AMOTL2: variants seen among roughly 807,000 people sequenced by gnomAD.
The protein encoded by AMOTL2 is angiomotin like 2.
A neutral mutation model predicts 78.4 loss-of-function variants in AMOTL2; 33 were observed. That is an observed-to-expected ratio of 0.42 (90% CI 0.32 to 0.56). The LOEUF is 0.56. Ranked by LOEUF, AMOTL2 falls within the 20% of genes least tolerant of loss-of-function variation. The pLI is 0.12. For synonymous variants in AMOTL2, 422 were observed against 428.8 expected (o/e 0.98, Z 0.20); for missense variants, 983 against 1,030.1 (o/e 0.95, Z 0.63).
At position 134,357,575 on chromosome 3, in the gene AMOTL2, G is replaced by A; in HGVS notation, c.*130C>T. The A allele has an allele frequency of 1.0e-5, 10 of 978,504 alleles. No homozygotes were observed. The South Asian group carries it at 1.2e-4, about 12-fold the overall frequency. The allele number at this position is 978,504 out of a possible 1,614,324, so 60.6% of individuals were successfully genotyped here. A position where few individuals can be genotyped will look rare whatever the true frequency, so the allele number is the denominator to read the frequency against. On this transcript the variant is annotated 3_prime_UTR_variant, in exon 10 of 10. Transcript: ENST00000249883. ...CCTCCTGAGCTCCTGGGACCAGATGGTCAATGGGAATGAGTGTCTGGCTGG... is the reference window on the plus strand; with the variant it reads ...CCTCCTGAGCTCCTGGGACCAGATGATCAATGGGAATGAGTGTCTGGCTGG...
At position 134,370,878 on chromosome 3, in the gene AMOTL2, G is replaced by A; in HGVS notation, c.556C>T (p.Gln186Ter). 1 of 1,610,700 alleles carries A rather than the reference G, an allele frequency of 6.2e-7. No homozygotes were observed. Among genetic ancestry groups the A allele is most frequent in the Non-Finnish European group, 8.5e-7 (1 of 1,178,104 alleles). The stretch of plus-strand genomic sequence containing the variant: ...GGGCCCTGCTGGTTGCGGGCCAGCT[G>A]TGGGAAGCTGTGGGAGGAGCTCATG... The part of the protein sequence containing the change: ...SHMSSSHSFP[Q>*]LARNQQGPPL... Residue 186 changes from glutamine (Q) to a stop codon, truncating the protein, a stop_gained, in exon 2 of 10, where the codon CAG becomes TAG. Transcript: ENST00000249883. LOFTEE classifies it high-confidence loss of function.
intron 1 of AMOTL2, among the ~76,000 whole-genome samples, chr3:134,373,332 G>A (rs2017949316): frequency 6.6e-6 from 1 of 152,050 alleles, no homozygotes; most frequent in South Asian, 2.1e-4. Context: ...GCGGCAGGAA[G>A]GAATGCGGAG....
At chr3:134,374,928 C>A (rs9849656), upstream of AMOTL2, 1 of 990,670 alleles carries the variant, frequency 1.0e-6, no homozygotes, top group Non-Finnish European at 1.2e-6. Context: ...TGTGTGTGTG[C>A]GTGTGTGTGT....
At chr3:134,362,288 G>A (rs576925500) in intron 5 of AMOTL2, among the ~76,000 whole-genome samples, 23 of 152,308 alleles carry the variant, frequency 1.5e-4, no homozygotes, top group African/African-American at 4.3e-4. Context: ...ATCGGCTGTC[G>A]GCACACCAGG....
rs756526040 is a variant in AMOTL2, at chr3:134,371,160, A to C, written c.274T>G (p.Tyr92Asp). 6.2e-7 allele frequency: 1 copy of C among 1,613,924 alleles called. No homozygotes were observed. The highest frequency in any genetic ancestry group is 8.5e-7 in the Non-Finnish European group (1 of 1,179,948). Residue 92 changes from tyrosine to aspartate, a missense_variant, in exon 2 of 10, where the codon TAC becomes GAC. Coordinates refer to ENST00000249883, the MANE Select transcript of AMOTL2 (RefSeq NM_016201.4). ...GENHLAENTL[Y>D]RLCPQPSKGE... Reference sequence around the variant, plus strand: ...TTGCTGGGCTGTGGGCATAGCCGGTAGAGGGTGTTCTCTGCCAGGTGGTTC... The same window carrying C: ...TTGCTGGGCTGTGGGCATAGCCGGTCGAGGGTGTTCTCTGCCAGGTGGTTC...
chr3:134,372,616 G>T (rs949342429), intron 1 of AMOTL2, among the ~76,000 whole-genome samples: 4 of 151,662 alleles, frequency 2.6e-5, no homozygotes, highest in African/African-American at 9.7e-5. Flanking sequence ...CATAAGGGAT[G>T]GGCACTCAGC....
At chr3:134,361,369 C>T (rs2017353271) in intron 6 of AMOTL2, 143 bp downstream of exon 6, 1 of 983,420 alleles carries the variant, frequency 1.0e-6, no homozygotes, top group Non-Finnish European at 1.5e-6. Flanking sequence ...ATCATCCTCG[C>T]CGCCTTCCAA....
chr3:134,361,042 C>T (rs534908309), intron 6 of AMOTL2, among the ~76,000 whole-genome samples: 13 of 152,252 alleles, frequency 8.5e-5, no homozygotes, highest in Middle Eastern at 3.4e-3. Context: ...GGCGTGGTGG[C>T]GCACGCCTGT....
In AMOTL2 at chr3:134,371,501, T is replaced by TGG; in HGVS notation, c.-61-9_-61-8dup. The stretch of plus-strand genomic sequence containing the variant: ...GCACCTGGCCCCAGAGCACCTGGAG[T>TGG]GGGGTGGGGAGAGAGAGAGAGAAAA... On this transcript the variant is annotated splice_polypyrimidine_tract_variant and splice_region_variant and intron_variant, in intron 1 of 9. Transcript: ENST00000249883. 1 of 1,583,124 alleles carries TGG rather than the reference T, an allele frequency of 6.3e-7. No homozygotes were observed. Among genetic ancestry groups the TGG allele is most frequent in the Non-Finnish European group, 8.6e-7 (1 of 1,168,532 alleles).
intron 9 of AMOTL2, 116 bp downstream of exon 9, chr3:134,358,424 T>G: frequency 3.9e-6 from 5 of 1,267,410 alleles, no homozygotes; most frequent in Non-Finnish European, 5.3e-6. Flanking sequence ...CGGCTCCCCA[T>G]GGAGTGCGGG....
chr3:134,367,527 G>A lies in AMOTL2; in HGVS notation c.1011C>T (p.Ser337=), dbSNP rs1474429653. 6.2e-7 allele frequency: 1 copy of A among 1,612,770 alleles called. No homozygotes were observed. ...CAATGCGGCCAGCCTTCTCCGCAGA[G>A]CTCTCCAGCTCCCTCTGCAGCCGCT... ...DNERLQRELE[S]SAEKAGRIEK... is the part of the protein sequence containing the mutation. Residue 337 remains serine (S), a synonymous_variant, in exon 3 of 10, where the codon AGC becomes AGT. Transcript: ENST00000249883.
At chr3:134,369,869 G>C (rs547094778) in intron 2 of AMOTL2, among the ~76,000 whole-genome samples, 1 of 152,134 alleles carries the variant, frequency 6.6e-6, no homozygotes, top group South Asian at 2.1e-4. Flanking sequence ...CGTGAGGCAG[G>C]GCCTTGTTTC....
At chr3:134,363,395 G>A (rs544930281) in intron 5 of AMOTL2, among the ~76,000 whole-genome samples, 4 of 152,320 alleles carry the variant, frequency 2.6e-5, no homozygotes, top group Non-Finnish European at 5.9e-5. Context: ...CATTGAGGAG[G>A]GGCAGCCAGG....
intron 5 of AMOTL2, among the ~76,000 whole-genome samples, chr3:134,362,377 T>A (rs142951637): frequency 6.6e-6 from 1 of 152,004 alleles, no homozygotes; most frequent in Non-Finnish European, 1.5e-5. Flanking sequence ...GGGAGAAACA[T>A]AGGAGGTGAA....
intron 9 of AMOTL2, among the ~76,000 whole-genome samples, chr3:134,358,117 G>A (rs2017153776): frequency 6.6e-6 from 1 of 152,234 alleles, no homozygotes; most frequent in African/African-American, 2.4e-5. Flanking sequence ...TGTGAAAGGG[G>A]AGTGGAAAAA....
At chr3:134,371,731 C>A (rs1206791711) in intron 1 of AMOTL2, 2 of 592,260 alleles carry the variant, frequency 3.4e-6, no homozygotes, top group Non-Finnish European at 5.4e-6. Context: ...AAGAATTCTG[C>A]TTGACTCATG....
Position 134,367,725 on chromosome 3 carries a change from G to C in AMOTL2, c.813C>G (p.His271Gln), listed in dbSNP as rs559689864. 6.2e-7 allele frequency: 1 copy of C among 1,613,780 alleles called. No homozygotes were observed. Residue 271 changes from histidine (H) to glutamine (Q), a missense_variant, in exon 3 of 10, where the codon CAC (histidine) becomes CAG (glutamine). By Grantham distance (24) the His-to-Gln change is conservative. Coordinates refer to ENST00000249883, the MANE Select transcript of AMOTL2 (RefSeq NM_016201.4). ...GAGCAGCTGGATGTGGGGGAGGGGG[G>C]TGCTCCTGAGATTGCTGCAGGTACT... Reference protein sequence around the residue: ...QYQYLQQSQEHPPPPHPAALG... With the variant: ...QYQYLQQSQEQPPPPHPAALG...
Position 134,356,323 on chromosome 3 carries a change from C to T in AMOTL2, c.*1382G>A, listed in dbSNP as rs1433339688. The T allele has an allele frequency of 6.6e-6, 1 of 152,390 alleles. No individual in the cohort carries two copies. The highest frequency in any genetic ancestry group is 1.5e-5 in the Non-Finnish European group (1 of 68,016). The allele number at this position is 152,390 out of a possible 1,614,324, so 9.4% of individuals were successfully genotyped here. On this transcript the variant is annotated 3_prime_UTR_variant, in exon 10 of 10. Transcript: ENST00000249883. ...ACCTAAAAACGATAAAGGAAGAAAA[C>T]AAAGAATCAAGGAGAACTAAAAACG...
In AMOTL2 at chr3:134,358,722, G is replaced by A. The variant is rs1360641696; in HGVS notation, c.2105-3C>T. On this transcript the variant is annotated splice_region_variant and splice_polypyrimidine_tract_variant and intron_variant, in intron 8 of 9. Coordinates refer to ENST00000249883, the MANE Select transcript of AMOTL2 (RefSeq NM_016201.4). The stretch of plus-strand genomic sequence containing the variant: ...CTCCTCTGTGGGTGCTCTGTCTGCT[G>A]GAAAGGTAGGTGGATGGTTATTGCC... 1.9e-6 allele frequency: 3 copies of A among 1,614,074 alleles called. No homozygotes were observed. Among genetic ancestry groups the A allele is most frequent in the Middle Eastern group, 1.7e-4 (1 of 6,060 alleles).
Sources: gnomAD v4.1 joint callset for allele counts (sites outside exome capture counted in the v4.1 genomes callset) on GRCh38, gnomAD v4.1.1 for gene constraint, MANE v1.5 for transcripts, NCBI Gene and HGNC (gene_info 2026-07-23, HGNC 2026-07-21) for gene names.